DHRS12: variants seen among roughly 807,000 people sequenced by gnomAD.
DHRS12 encodes dehydrogenase/reductase 12, also known as dehydrogenase/reductase SDR family member 12.
A neutral mutation model predicts 32.1 loss-of-function variants in DHRS12; 29 were observed. That is an observed-to-expected ratio of 0.90 (90% confidence interval 0.67 to 1.23). The LOEUF (loss-of-function observed/expected upper bound fraction) is 1.23, where lower values mean the gene tolerates loss of function less well. DHRS12 is among the 50% of genes most tolerant of loss of function. The probability of loss-of-function intolerance (pLI) is 0.00; values close to 1 mark genes in which losing one functional copy is unlikely to be tolerated. For missense variants in DHRS12, 330 were observed against 337.2 expected (o/e 0.98, Z 0.17); for synonymous variants, 150 against 135.9 (o/e 1.10, Z -0.72).
At chr13:51,787,952 A>C (rs1955070422) in intron 4 of DHRS12, among the ~76,000 whole-genome samples, 1 of 137,970 alleles carries the variant, frequency 7.2e-6, no homozygotes, top group African/African-American at 2.7e-5. Flanking sequence ...ATTATATATA[A>C]TATACATATA....
chr13:51,789,728 C>T lies in DHRS12; in HGVS notation c.301+283G>A, dbSNP rs564288002. 20 of 985,452 alleles carry T rather than the reference C, an allele frequency of 2.0e-5. No homozygotes were observed. In the South Asian group the frequency reaches 8.0e-4, roughly 39 times the overall value. The allele number at this position is 985,452 out of a possible 1,614,324, so 61.0% of individuals were successfully genotyped here. On this transcript the variant is annotated intron_variant, in intron 4 of 8. Transcript: ENST00000444610. ...ACTTGCACTCAACACTTAAGCTGAA[C>T]TTGCTCTCCTCTTCAAAACAATGTC... is the stretch of plus-strand genomic sequence containing the variant.
intron 2 of DHRS12, among the ~76,000 whole-genome samples, chr13:51,795,141 T>C (rs559879036): frequency 6.6e-6 from 1 of 152,282 alleles, no homozygotes; most frequent in African/African-American, 2.4e-5. Flanking sequence ...GTGCCTGTGC[T>C]CCCTGGCTCA....
chr13:51,755,310 G>T, the DHRS12 span: 1 of 1,583,482 alleles, frequency 6.3e-7, no homozygotes. Context: ...GGTTTCCATT[G>T]TCCTGACTGC....
chr13:51,756,439 C>T, the DHRS12 span: 1 of 1,614,042 alleles, frequency 6.2e-7, no homozygotes, highest in Non-Finnish European at 8.5e-7. Context: ...GTGACAGCTG[C>T]CACGAGGCCA....
At chr13:51,758,117 CTA>C in the DHRS12 span, 1 of 1,227,436 alleles carries the variant, frequency 8.1e-7, no homozygotes, top group Non-Finnish European at 1.1e-6. Flanking sequence ...AATTTAGAGC[CTA>C]ATGTCATCCT....
At chr13:51,777,500 G>T (rs1954492079) in intron 4 of DHRS12, 1 of 211,798 alleles carries the variant, frequency 4.7e-6, no homozygotes, top group East Asian at 1.1e-4. Context: ...AGGTCTCAAG[G>T]GTGGAATTCA....
intron 8 of DHRS12, 110 bp downstream of exon 8, chr13:51,769,046 C>G (rs1953884490): frequency 6.6e-7 from 1 of 1,504,356 alleles, no homozygotes; most frequent in African/African-American, 1.4e-5. Flanking sequence ...CAGGCACCCC[C>G]CAGGGGACAG....
At chr13:51,754,900 G>A in the DHRS12 span, among the ~76,000 whole-genome samples, 1 of 152,196 alleles carries the variant, frequency 6.6e-6, no homozygotes, top group South Asian at 2.1e-4. Context: ...TAATTTTAAT[G>A]GTAATAAGCT....
At chr13:51,790,120 TAAAGAA>T in intron 3 of DHRS12, 28 bp from the exon 4 acceptor site, 2 of 1,547,384 alleles carry the variant, frequency 1.3e-6, no homozygotes, top group Non-Finnish European at 1.7e-6. Context: ...CATTTCAAAA[TAAAGAA>T]AAATAGGGCC....
At chr13:51,771,651 G>C (rs1299890211) in intron 7 of DHRS12, among the ~76,000 whole-genome samples, 170 bp downstream of exon 7, 1 of 152,188 alleles carries the variant, frequency 6.6e-6, no homozygotes, top group Non-Finnish European at 1.5e-5. Flanking sequence ...TCTGTATGAG[G>C]CTTCCCCCAG....
rs975549177 is a variant in DHRS12 at position 51,804,161 on chromosome 13, C to T, written c.-116G>A. The T allele has an allele frequency of 2.8e-6, 4 of 1,414,024 alleles. No homozygotes were observed. Among genetic ancestry groups the T allele is most frequent in the Non-Finnish European group, 2.8e-6 (3 of 1,084,946 alleles). The allele number at this position is 1,414,024 out of a possible 1,614,324, so 87.6% of individuals were successfully genotyped here. A position where few individuals can be genotyped will look rare whatever the true frequency, so the allele number is the denominator to read the frequency against. On this transcript the variant is annotated 5_prime_UTR_variant, in exon 1 of 9. Coordinates refer to ENST00000444610, the MANE Select transcript of DHRS12 (RefSeq NM_001377533.1). ...ACCGCGCTCCCGGCGCGGCCTCCGC[C>T]CTGGTCCCGCCCCCCGGGAGTCGCC...
Position 51,774,050 on chromosome 13 carries a change from C to A in DHRS12, c.364-16G>T. The A allele has an allele frequency of 6.2e-7, 1 of 1,611,338 alleles. No individual in the cohort carries two copies. Among genetic ancestry groups the A allele is most frequent in the Non-Finnish European group, 8.5e-7 (1 of 1,177,766 alleles). ...AGACGGTTATCTGCAATAAAGGTAA[C>A]AGAGATTTACAAACTAAAGCCTGTG... On this transcript the variant is annotated splice_polypyrimidine_tract_variant and intron_variant, in intron 5 of 8. Transcript: ENST00000444610.
At chr13:51,781,378 T>G (rs1321890409) in intron 4 of DHRS12, among the ~76,000 whole-genome samples, 1 of 152,108 alleles carries the variant, frequency 6.6e-6, no homozygotes, top group Non-Finnish European at 1.5e-5. Flanking sequence ...ACTGAACAAG[T>G]ATTTATCAAG....
At position 51,804,120 on chromosome 13, in the gene DHRS12, C is replaced by T. The variant is rs1322572157; in HGVS notation, c.-75G>A. On this transcript the variant is annotated 5_prime_UTR_variant, in exon 1 of 9. Transcript: ENST00000444610. ...GCGGTACAGGGACATGCCGGGAGCG[C>T]CCCACGCCTAGCCCCACCGCGCTCC... 1 of 1,482,102 alleles carries T rather than the reference C, an allele frequency of 6.7e-7. No individual in the cohort carries two copies. The highest frequency in any genetic ancestry group is 8.9e-7 in the Non-Finnish European group (1 of 1,121,296). The allele number at this position is 1,482,102 out of a possible 1,614,324, so 91.8% of individuals were successfully genotyped here.
the DHRS12 span, chr13:51,759,738 A>G: frequency 6.2e-7 from 1 of 1,613,640 alleles, no homozygotes; most frequent in East Asian, 2.2e-5. Flanking sequence ...TTCTTTTTGC[A>G]GTTGTGGGAT....
intron 5 of DHRS12, among the ~76,000 whole-genome samples, chr13:51,776,779 G>A (rs1182614948): frequency 6.6e-6 from 1 of 152,082 alleles, no homozygotes; most frequent in Non-Finnish European, 1.5e-5. Flanking sequence ...CCCACAAGCC[G>A]CCCCTGCCCT....
At chr13:51,761,843 C>CGG in the DHRS12 span, 1 of 152,200 alleles carries the variant, frequency 6.6e-6, no homozygotes, top group South Asian at 2.1e-4. Flanking sequence ...CGGCTCAGCC[C>CGG]ATGTGACCGG....
At chr13:51,767,973 A>AAAAG (rs1714384963), downstream of DHRS12, 3 of 1,366,610 alleles carry the variant, frequency 2.2e-6, no homozygotes, top group Non-Finnish European at 1.9e-6. Context: ...TTAAAATAAG[A>AAAAG]AAAGAACCTG....
At chr13:51,794,930 G>T (rs1322942611) in intron 2 of DHRS12, among the ~76,000 whole-genome samples, 2 of 152,106 alleles carry the variant, frequency 1.3e-5, no homozygotes, top group East Asian at 3.9e-4. Flanking sequence ...CCCTTTGGGA[G>T]CATCGTGTCC....
Sources: allele counts gnomAD v4.1 joint callset (sites outside exome capture counted in the v4.1 genomes callset), GRCh38; gene constraint gnomAD v4.1.1; transcripts MANE v1.5; gene names NCBI Gene and HGNC (gene_info 2026-07-23, HGNC 2026-07-21).